Variants in ENTHD1 observed in about 807,000 individuals in gnomAD.
ENTHD1 encodes the protein ENTH domain containing 1, also known as ENTH domain-containing protein 1.
In ENTHD1, 23 loss-of-function variants were observed where a neutral mutation model predicts 39.1. The ratio of observed to expected loss-of-function variants is 0.59; its 90% CI spans 0.42 to 0.83. The LOEUF is 0.83. Ranked by LOEUF, ENTHD1 falls within the 40% of genes least tolerant of loss-of-function variation. The pLI is 0.00. For synonymous variants in ENTHD1, 230 were observed against 258.2 expected (o/e 0.89, Z 1.05); for missense variants, 624 against 705.4 (o/e 0.88, Z 1.31).
chr22:39,826,480 C>T (rs1428137761), intron 4 of ENTHD1, among the ~76,000 whole-genome samples: 2 of 151,250 alleles, frequency 1.3e-5, no homozygotes, highest in East Asian at 1.9e-4. Flanking sequence ...GCATTTATTT[C>T]ACTTTTCTGA....
At chr22:39,851,336 T>G (rs2066037162) in intron 3 of ENTHD1, among the ~76,000 whole-genome samples, 1 of 152,248 alleles carries the variant, frequency 6.6e-6, no homozygotes, top group Non-Finnish European at 1.5e-5. Context: ...TTCTCATTTC[T>G]GCAAGTTCCC....
At chr22:39,766,019 CAAAAAAAAAAAAAAAAA>C (rs11367784) in intron 5 of ENTHD1, among the ~76,000 whole-genome samples, 4 of 48,342 alleles carry the variant, frequency 8.3e-5, no homozygotes, top group Admixed American at 6.9e-4. Flanking sequence ...CCCTCAGCTA[CAAAAAAAAAAAAAAAAA>C]AAAAAAAAAA....
intron 5 of ENTHD1, among the ~76,000 whole-genome samples, chr22:39,784,069 T>G (rs1266987372): frequency 6.6e-6 from 1 of 151,584 alleles, no homozygotes; most frequent in African/African-American, 2.4e-5. Flanking sequence ...AAGATATGAT[T>G]AAAAATGGGC....
chr22:39,893,722 C>G lies in ENTHD1; in HGVS notation c.-183G>C, dbSNP rs147071859. The G allele has an allele frequency of 1.3e-5, 2 of 152,322 alleles. No individual in the cohort carries two copies. The highest frequency in any genetic ancestry group is 2.9e-5 in the Non-Finnish European group (2 of 68,110). The allele number at this position is 152,322 out of a possible 1,614,324, so 9.4% of individuals were successfully genotyped here. A position where few individuals can be genotyped will look rare whatever the true frequency, so the allele number is the denominator to read the frequency against. On this transcript the variant is annotated 5_prime_UTR_variant, in exon 1 of 7. Transcript: ENST00000325157. ...GAGAGGAAAGTCGGCCGCTGCCCAA[C>G]GACCAAACTTCCTCTCCCCAGGATA... is the stretch of plus-strand genomic sequence containing the variant.
At chr22:39,803,073 A>G (rs184210355) in intron 5 of ENTHD1, among the ~76,000 whole-genome samples, 134 of 152,072 alleles carry the variant, frequency 8.8e-4, no homozygotes, top group East Asian at 5.0e-3. Context: ...ATCAGATTCT[A>G]TCCCTCCTCT....
At chr22:39,822,819 G>T (rs572792101) in intron 4 of ENTHD1, among the ~76,000 whole-genome samples, 6 of 152,186 alleles carry the variant, frequency 3.9e-5, no homozygotes, top group African/African-American at 1.4e-4. Context: ...AAAGTGATTT[G>T]CCCCTTTTAA....
At chr22:39,755,502 G>A (rs2146540539) in intron 6 of ENTHD1, among the ~76,000 whole-genome samples, 1 of 152,308 alleles carries the variant, frequency 6.6e-6, no homozygotes. Flanking sequence ...GAATACTAGT[G>A]ATCAAACTAC....
chr22:39,777,922 C>A (rs1262108771), intron 5 of ENTHD1, among the ~76,000 whole-genome samples: 1 of 152,190 alleles, frequency 6.6e-6, no homozygotes, highest in Non-Finnish European at 1.5e-5. Context: ...GGAGCCTGGT[C>A]TCTGGTATGT....
intron 1 of ENTHD1, among the ~76,000 whole-genome samples, chr22:39,888,232 A>G (rs961163181): frequency 6.8e-6 from 1 of 146,620 alleles, no homozygotes. Context: ...CAGAACTTGC[A>G]CTCTGACATC....
intron 2 of ENTHD1, among the ~76,000 whole-genome samples, chr22:39,871,118 T>C (rs2066238977): frequency 6.6e-6 from 1 of 151,682 alleles, no homozygotes; most frequent in African/African-American, 2.4e-5. Context: ...TGCAGTGAGC[T>C]GTGATCACAC....
chr22:39,860,331 T>C lies in ENTHD1; in HGVS notation c.592+1434A>G, dbSNP rs566500040. 3.3e-5 allele frequency among the ~76,000 whole-genome samples: 5 copies of C among 152,332 alleles called. No individual in the cohort carries two copies. In the South Asian group the frequency reaches 8.3e-4, roughly 25 times the overall value. Reference sequence around the variant, plus strand: ...TGGGGAAGAAACTCTGGATGAGTCATAATTGGTTATTCTTCTCTGTTACTC... The same window carrying C: ...TGGGGAAGAAACTCTGGATGAGTCACAATTGGTTATTCTTCTCTGTTACTC... On this transcript the variant is annotated intron_variant, in intron 3 of 6. Coordinates refer to ENST00000325157, the MANE Select transcript of ENTHD1 (RefSeq NM_152512.4).
chr22:39,892,338 G>A (rs540264215), intron 1 of ENTHD1, among the ~76,000 whole-genome samples: 1 of 152,278 alleles, frequency 6.6e-6, no homozygotes, highest in Admixed American at 6.5e-5. Flanking sequence ...ATTGGTCCAC[G>A]ATCTTTTATC....
intron 5 of ENTHD1, among the ~76,000 whole-genome samples, chr22:39,809,169 A>G (rs1033062213): frequency 1.3e-5 from 2 of 152,194 alleles, no homozygotes; most frequent in Admixed American, 6.5e-5. Context: ...CAACACACAA[A>G]AACTGTATGC....
At chr22:39,770,082 T>C (rs2065309906) in intron 5 of ENTHD1, among the ~76,000 whole-genome samples, 1 of 152,256 alleles carries the variant, frequency 6.6e-6, no homozygotes, top group Admixed American at 6.5e-5. Flanking sequence ...AAGTTAAATA[T>C]GTGTAGAATG....
At chr22:39,745,524 A>G (rs1045873408) in intron 6 of ENTHD1, among the ~76,000 whole-genome samples, 11 of 152,224 alleles carry the variant, frequency 7.2e-5, no homozygotes, top group African/African-American at 2.4e-4. Context: ...AAAAATTCCA[A>G]TCACAAAACT....
intron 6 of ENTHD1, among the ~76,000 whole-genome samples, chr22:39,752,955 A>G (rs2146536900): frequency 6.6e-6 from 1 of 152,318 alleles, no homozygotes; most frequent in Admixed American, 6.5e-5. Flanking sequence ...TTACAGACAA[A>G]AAGGAAAAGT....
intron 5 of ENTHD1, among the ~76,000 whole-genome samples, chr22:39,787,676 A>G (rs1001144938): frequency 3.3e-5 from 5 of 152,188 alleles, no homozygotes; most frequent in East Asian, 1.9e-4. Flanking sequence ...CTTCAATTCT[A>G]TGAAGGTTGA....
chr22:39,807,729 C>A (rs1216297859), intron 5 of ENTHD1, among the ~76,000 whole-genome samples: 1 of 152,044 alleles, frequency 6.6e-6, no homozygotes, highest in African/African-American at 2.4e-5. Flanking sequence ...GGGTTGTGAC[C>A]AATTAGTGGG....
chr22:39,805,300 A>G (rs1601606164), intron 5 of ENTHD1, among the ~76,000 whole-genome samples: 1 of 152,234 alleles, frequency 6.6e-6, no homozygotes, highest in East Asian at 1.9e-4. Flanking sequence ...TGGAAGAAAT[A>G]GAACGGAAGT....
Sources: gnomAD v4.1 joint callset for allele counts (sites outside exome capture counted in the v4.1 genomes callset) on GRCh38, gnomAD v4.1.1 for gene constraint, MANE v1.5 for transcripts, NCBI Gene and HGNC (gene_info 2026-07-23, HGNC 2026-07-21) for gene names.